Variants in ZSWIM8 observed in about 807,000 individuals in gnomAD.
ZSWIM8 encodes zinc finger SWIM-type containing 8.
Under a neutral mutation model 173.7 loss-of-function variants are expected in ZSWIM8, and 27 were observed. The observed-to-expected ratio is 0.16, with a 90% CI of 0.11 to 0.21. ZSWIM8 has a LOEUF of 0.21. Ranked by LOEUF, ZSWIM8 falls within the 10% of genes least tolerant of loss-of-function variation. ZSWIM8 has a pLI of 1.00. For synonymous variants in ZSWIM8, 958 were observed against 962.0 expected, an observed-to-expected ratio of 1.00 and a Z score of 0.08; for missense variants, 1,627 against 2,428.8, an observed-to-expected ratio of 0.67 and a Z score of 6.94.
chr10:73,800,236 G>C lies in ZSWIM8; in HGVS notation c.4826-60G>C, dbSNP rs2083873931. ...CACACTGGGCAGGGGAGGTGGGGAG[G>C]GAATGTTCTTTGTCTCTCTTTGGGC... On this transcript the variant is annotated intron_variant, in intron 22 of 25. Coordinates refer to ENST00000604729, the MANE Select transcript of ZSWIM8 (RefSeq NM_001367799.1). This position sits in a 1 kb window ranked among gnomAD's most constrained non-coding sequence, Gnocchi z 4.1. 3 of 1,611,088 alleles carry C rather than the reference G, an allele frequency of 1.9e-6. No individual in the cohort carries two copies. The African/African-American group carries it at 4.0e-5, about 22-fold the overall frequency.
chr10:73,800,442 C>T lies in ZSWIM8; in HGVS notation c.4972C>T (p.Leu1658=). ...CAGTCAGCCAGTCAATCCCCACAGC[C>T]TGCACCACCTGCATGCTGCCTACCG... ...THSQPVNPHS[L]HHLHAAYRVG... Residue 1658 remains leucine (L), a synonymous_variant, in exon 23 of 26, where the codon CTG becomes TTG. Coordinates refer to ENST00000604729, the MANE Select transcript of ZSWIM8 (RefSeq NM_001367799.1). The surrounding 1 kb of genome is among the most constrained non-coding windows in gnomAD (Gnocchi z 4.1). 2.5e-6 allele frequency: 4 copies of T among 1,613,936 alleles called. No homozygotes were observed. Among genetic ancestry groups the T allele is most frequent in the Non-Finnish European group, 3.4e-6 (4 of 1,179,860 alleles).
chr10:73,801,303 C>T lies in ZSWIM8; in HGVS notation c.5302-13C>T. ...TTTGTACTAAGGCTCATCCTGCACA[C>T]ATCCTCCTCCAGTACATCCACCACC... On this transcript the variant is annotated splice_polypyrimidine_tract_variant and intron_variant, in intron 25 of 25. Transcript: ENST00000604729. The surrounding 1 kb of genome is among the most constrained non-coding windows in gnomAD (Gnocchi z 4.9). 1 of 1,613,256 alleles carries T rather than the reference C, an allele frequency of 6.2e-7. No individual in the cohort carries two copies. Among genetic ancestry groups the T allele is most frequent in the Non-Finnish European group, 8.5e-7 (1 of 1,179,364 alleles).
chr10:73,800,799 C>T lies in ZSWIM8; in HGVS notation c.5122+40C>T, dbSNP rs778462556. The stretch of plus-strand genomic sequence containing the variant: ...CCCTAGGACCATTGCCCCCCCCCCA[C>T]CTGCTCTCCCCACCTTCCTTATCCC... On this transcript the variant is annotated intron_variant, in intron 24 of 25. Transcript: ENST00000604729. This position sits in a 1 kb window ranked among gnomAD's most constrained non-coding sequence, Gnocchi z 4.1. 4.2e-6 allele frequency: 6 copies of T among 1,419,904 alleles called. No individual in the cohort carries two copies. Among genetic ancestry groups the T allele is most frequent in the South Asian group, 1.3e-5 (1 of 75,410 alleles). 88.0% of individuals were successfully genotyped at this position (1,419,904 alleles called of 1,614,324 possible). A position where few individuals can be genotyped will look rare whatever the true frequency, so the allele number is the denominator to read the frequency against.
At position 73,800,338 on chromosome 10, in the gene ZSWIM8, G is replaced by A. The variant is rs1049378605; in HGVS notation, c.4868G>A (p.Gly1623Asp). Residue 1623 changes from glycine to aspartate, a missense_variant, in exon 23 of 26, where the codon GGT becomes GAT. Physicochemically the swap from Gly to Asp is moderately conservative, Grantham distance 94. Around this residue, in one of 18 missense-constraint regions of ZSWIM8, gnomAD observed 275 missense variants for 290.1 expected, o/e 0.95. Coordinates refer to ENST00000604729, the MANE Select transcript of ZSWIM8 (RefSeq NM_001367799.1). This position sits in a 1 kb window ranked among gnomAD's most constrained non-coding sequence, Gnocchi z 4.1. The part of the protein sequence containing the change: ...HPASTFPAIQ[G>D]ASLPALTTQP... ...GCATCCACGTTTCCAGCCATCCAAG[G>A]TGCCTCACTGCCTGCCCTGACCACA... The A allele has an allele frequency of 6.8e-6, 11 of 1,613,762 alleles. No homozygotes were observed. In the African/African-American group the frequency reaches 1.2e-4, roughly 18 times the overall value.
In ZSWIM8 at chr10:73,797,714, C is replaced by G; in HGVS notation, c.3663-67C>G. The G allele has an allele frequency of 6.4e-7, 1 of 1,568,924 alleles. No individual in the cohort carries two copies. The highest frequency in any genetic ancestry group is 1.4e-5 in the African/African-American group (1 of 73,972). ...AGCATCCTCACTTTCCCTGGTCCTT[C>G]CCAACCTACCCGGATGCCCATTTCA... is the stretch of plus-strand genomic sequence containing the variant. On this transcript the variant is annotated intron_variant, in intron 18 of 25. Transcript: ENST00000604729. The surrounding 1 kb of genome is among the most constrained non-coding windows in gnomAD (Gnocchi z 5.6).
Position 73,786,042 on chromosome 10 carries a change from C to T in ZSWIM8, c.164C>T (p.Thr55Ile). 3 of 1,596,924 alleles carry T rather than the reference C, an allele frequency of 1.9e-6. No homozygotes were observed. The highest frequency in any genetic ancestry group is 2.6e-6 in the Non-Finnish European group (3 of 1,170,796). ...RKQSAGPNSP[T>I]GGGGGGGSGG... ...CAGTCAGCGGGGCCCAATTCCCCCACTGGCGGCGGTGGCGGAGGTGGCAGT... is the reference window on the plus strand; with the variant it reads ...CAGTCAGCGGGGCCCAATTCCCCCATTGGCGGCGGTGGCGGAGGTGGCAGT... Residue 55 changes from threonine (T) to isoleucine (I), a missense_variant, in exon 1 of 26, where the codon ACT (threonine) becomes ATT (isoleucine). Physicochemically the swap from Thr to Ile is moderately conservative, Grantham distance 89. Around this residue, in one of 18 missense-constraint regions of ZSWIM8, gnomAD observed 60 missense variants for 93.9 expected, o/e 0.64. Coordinates refer to ENST00000604729, the MANE Select transcript of ZSWIM8 (RefSeq NM_001367799.1).
rs1333848911 is a variant in ZSWIM8 at position 73,797,160 on chromosome 10, T to C, written c.3322T>C (p.Leu1108=). The C allele has an allele frequency of 3.7e-6, 6 of 1,613,864 alleles. No individual in the cohort carries two copies. The highest frequency in any genetic ancestry group is 5.1e-6 in the Non-Finnish European group (6 of 1,179,812). ...PCEGLPSEAA[L]TPRPEGKVPS... is the part of the protein sequence containing the mutation. ...TGAGGGTCTTCCATCTGAGGCAGCT[T>C]TGACCCCAAGGCCAGAAGGGAAGGT... Residue 1108 remains leucine, a synonymous_variant, in exon 17 of 26, where the codon TTG becomes CTG. Coordinates refer to ENST00000604729, the MANE Select transcript of ZSWIM8 (RefSeq NM_001367799.1). The surrounding 1 kb of genome is among the most constrained non-coding windows in gnomAD (Gnocchi z 5.6).
In ZSWIM8 at chr10:73,788,728, A is replaced by G. The variant is rs543573531; in HGVS notation, c.267A>G (p.Pro89=). Residue 89 remains proline (P), a synonymous_variant, in exon 2 of 26, where the codon CCA becomes CCG. Coordinates refer to ENST00000604729, the MANE Select transcript of ZSWIM8 (RefSeq NM_001367799.1). ...LSAKQVAFHI[P]FEVVEKVYPP... Reference sequence around the variant, plus strand: ...CAAAGCAGGTGGCATTTCATATCCCATTTGAAGTGGTGGAGAAAGTTTACC... The same window carrying G: ...CAAAGCAGGTGGCATTTCATATCCCGTTTGAAGTGGTGGAGAAAGTTTACC... 1 of 1,614,006 alleles carries G rather than the reference A, an allele frequency of 6.2e-7. No homozygotes were observed. The highest frequency in any genetic ancestry group is 1.1e-5 in the South Asian group (1 of 91,086).
At chr10:73,793,764 C>G in intron 11 of ZSWIM8, 45 bp downstream of exon 11, 1 of 1,567,674 alleles carries the variant, frequency 6.4e-7, no homozygotes, top group Non-Finnish European at 8.6e-7. Flanking sequence ...CACTTACCCC[C>G]AACCTGCTCC....
At position 73,788,761 on chromosome 10, in the gene ZSWIM8, G is replaced by A. The variant is rs2083310463; in HGVS notation, c.300G>A (p.Val100=). The part of the protein sequence containing the change: ...FEVVEKVYPP[V]PEQLQLRIAF... ...TGGTGGAGAAAGTTTACCCACCAGT[G>A]CCTGAGCAGCTACAGCTCCGAATTG... Residue 100 remains valine, a synonymous_variant, in exon 2 of 26, where the codon GTG becomes GTA. Transcript: ENST00000604729. 2 of 1,614,014 alleles carry A rather than the reference G, an allele frequency of 1.2e-6. No homozygotes were observed. Among genetic ancestry groups the A allele is most frequent in the Non-Finnish European group, 1.7e-6 (2 of 1,179,886 alleles).
Position 73,792,574 on chromosome 10 carries a change from C to T in ZSWIM8, c.2035C>T (p.Pro679Ser). 1 of 1,614,032 alleles carries T rather than the reference C, an allele frequency of 6.2e-7. No homozygotes were observed. The highest frequency in any genetic ancestry group is 2.2e-5 in the East Asian group (1 of 44,880). Residue 679 changes from proline (P) to serine (S), a missense_variant, in exon 10 of 26, where the codon CCT (proline) becomes TCT (serine). Pro to Ser is a moderately conservative substitution (Grantham distance 74). Around this residue, in one of 18 missense-constraint regions of ZSWIM8, gnomAD observed 383 missense variants for 394.8 expected, o/e 0.97. Coordinates refer to ENST00000604729, the MANE Select transcript of ZSWIM8 (RefSeq NM_001367799.1). This position sits in a 1 kb window ranked among gnomAD's most constrained non-coding sequence, Gnocchi z 4.3. ...EDGGVYFSEGPEPPTASVGPP... is the reference protein window; with the variant it reads ...EDGGVYFSEGSEPPTASVGPP... ...TGGTGGTGTGTACTTCTCGGAAGGG[C>T]CTGAGCCTCCCACAGCCTCTGTTGG...
intron 1 of ZSWIM8, among the ~76,000 whole-genome samples, chr10:73,788,181 C>T (rs889034519): frequency 6.7e-6 from 1 of 150,326 alleles, no homozygotes; most frequent in African/African-American, 2.5e-5. Context: ...CTTCCGGGCT[C>T]TGGTCTATCT....
In ZSWIM8 at chr10:73,799,942, G is replaced by A. The variant is rs926784601; in HGVS notation, c.4666-69G>A. 2.7e-6 allele frequency: 4 copies of A among 1,508,844 alleles called. No individual in the cohort carries two copies. In the African/African-American group the frequency reaches 4.1e-5, roughly 15 times the overall value. The allele number at this position is 1,508,844 out of a possible 1,614,324, so 93.5% of individuals were successfully genotyped here. A position where few individuals can be genotyped will look rare whatever the true frequency, so the allele number is the denominator to read the frequency against. On this transcript the variant is annotated intron_variant, in intron 21 of 25. Coordinates refer to ENST00000604729, the MANE Select transcript of ZSWIM8 (RefSeq NM_001367799.1). ...AAAACATGTCAGGATAGCAGCTTGTGGGGGTGAAGCACGACAGCAACATCC... is the reference window on the plus strand; with the variant it reads ...AAAACATGTCAGGATAGCAGCTTGTAGGGGTGAAGCACGACAGCAACATCC...
rs1215426731 is a variant in ZSWIM8 at position 73,801,437 on chromosome 10, T to A, written c.5423T>A (p.Ile1808Asn). ...TPMGMMQFND[I>N]LQNLKRSKQT... is the part of the protein sequence containing the mutation. ...ATGGGCATGATGCAGTTCAACGACATCCTACAGAACCTCAAGCGCAGCAAA... is the reference window on the plus strand; with the variant it reads ...ATGGGCATGATGCAGTTCAACGACAACCTACAGAACCTCAAGCGCAGCAAA... Residue 1808 changes from isoleucine to asparagine, a missense_variant, in exon 26 of 26, where the codon ATC becomes AAC. Coordinates refer to ENST00000604729, the MANE Select transcript of ZSWIM8 (RefSeq NM_001367799.1). The surrounding 1 kb of genome is among the most constrained non-coding windows in gnomAD (Gnocchi z 4.9). 6.2e-7 allele frequency: 1 copy of A among 1,613,926 alleles called. No individual in the cohort carries two copies.
chr10:73,796,391 C>A, intron 15 of ZSWIM8: 1 of 418,132 alleles, frequency 2.4e-6, no homozygotes. Flanking sequence ...AAGTGCTCTT[C>A]TGCCCATAGG....
At position 73,801,113 on chromosome 10, in the gene ZSWIM8, T is replaced by A; in HGVS notation, c.5219T>A (p.Leu1740Gln). ...QEIVMETLQRLSPAHAHNHLR... is the reference protein window; with the variant it reads ...QEIVMETLQRQSPAHAHNHLR... ...ATCGTCATGGAGACGCTGCAGCGGC[T>A]GAGTCCCGCTCATGCCCACAACCAC... Residue 1740 changes from leucine (L) to glutamine (Q), a missense_variant, in exon 25 of 26, where the codon CTG becomes CAG. Around this residue, in one of 18 missense-constraint regions of ZSWIM8, gnomAD observed 122 missense variants for 196.1 expected, o/e 0.62. Transcript: ENST00000604729. This position sits in a 1 kb window ranked among gnomAD's most constrained non-coding sequence, Gnocchi z 4.9. The A allele has an allele frequency of 6.3e-7, 1 of 1,581,440 alleles. No individual in the cohort carries two copies. The highest frequency in any genetic ancestry group is 8.6e-7 in the Non-Finnish European group (1 of 1,164,744).
Position 73,801,378 on chromosome 10 carries a change from C to A in ZSWIM8, c.5364C>A (p.Ile1788=). The A allele has an allele frequency of 6.2e-7, 1 of 1,614,006 alleles. No homozygotes were observed. Residue 1788 remains isoleucine, a synonymous_variant, in exon 26 of 26, where the codon ATC becomes ATA. Coordinates refer to ENST00000604729, the MANE Select transcript of ZSWIM8 (RefSeq NM_001367799.1). This position sits in a 1 kb window ranked among gnomAD's most constrained non-coding sequence, Gnocchi z 4.9. ...PADYDDFVNA[I]RSARSAFCLT... ...ACTACGACGACTTTGTGAATGCGAT[C>A]CGGAGTGCCCGCAGCGCCTTCTGCC...
In ZSWIM8 at chr10:73,795,802, T is replaced by G. The variant is rs910677974; in HGVS notation, c.3033+139T>G. 10 of 941,960 alleles carry G rather than the reference T, an allele frequency of 1.1e-5. No homozygotes were observed. The African/African-American group carries it at 1.5e-4, about 14-fold the overall frequency. The allele number at this position is 941,960 out of a possible 1,614,324, so 58.4% of individuals were successfully genotyped here. A position where few individuals can be genotyped will look rare whatever the true frequency, so the allele number is the denominator to read the frequency against. ...GCGAAACCCCGTCTCTACCAAAAAATACAAAAAATTAGCAGCTGGGTGTGG... is the reference window on the plus strand; with the variant it reads ...GCGAAACCCCGTCTCTACCAAAAAAGACAAAAAATTAGCAGCTGGGTGTGG... On this transcript the variant is annotated intron_variant, in intron 15 of 25. Transcript: ENST00000604729.
In ZSWIM8 at chr10:73,800,998, C is replaced by T. The variant is rs1190777780; in HGVS notation, c.5123-19C>T. The T allele has an allele frequency of 6.5e-7, 1 of 1,534,898 alleles. No homozygotes were observed. Among genetic ancestry groups the T allele is most frequent in the Non-Finnish European group, 8.8e-7 (1 of 1,134,622 alleles). The stretch of plus-strand genomic sequence containing the variant: ...AGAGGTGGCCACCCCCGTCTCATGC[C>T]CCTCCCCCTGCCCCCCAGGAGTGAA... On this transcript the variant is annotated intron_variant, in intron 24 of 25. Coordinates refer to ENST00000604729, the MANE Select transcript of ZSWIM8 (RefSeq NM_001367799.1). The surrounding 1 kb of genome is among the most constrained non-coding windows in gnomAD (Gnocchi z 4.1).
Sources: allele counts gnomAD v4.1 joint callset (sites outside exome capture counted in the v4.1 genomes callset), GRCh38; gene constraint gnomAD v4.1.1; regional missense constraint gnomAD v4.1.1; non-coding constraint Gnocchi (gnomAD v3.1); transcripts MANE v1.5; gene names NCBI Gene and HGNC (gene_info 2026-07-23, HGNC 2026-07-21).